Variants in STK3 observed in about 807,000 individuals in gnomAD.
STK3 encodes serine/threonine kinase 3, also known as serine/threonine-protein kinase 3.
A neutral mutation model predicts 58.0 loss-of-function variants in STK3; 41 were observed. The observed-to-expected ratio is 0.71, with a 90% CI of 0.55 to 0.92. The LOEUF (loss-of-function observed/expected upper bound fraction) is 0.92, where lower values mean the gene tolerates loss of function less well. Among genes scored for constraint, STK3 ranks in the 40% least tolerant of loss-of-function variants. The pLI is 0.00. For missense variants in STK3, 479 were observed against 602.7 expected, an observed-to-expected ratio of 0.79 and a Z score of 2.15; for synonymous variants, 170 against 191.0, an observed-to-expected ratio of 0.89 and a Z score of 0.91.
chr8:98,829,692 A>C (rs141134195), upstream of STK3, among the ~76,000 whole-genome samples: 1,326 of 152,338 alleles, frequency 8.7e-3, 12 homozygotes, highest in African/African-American at 0.03. Flanking sequence ...CAAAGCTGGA[A>C]CTTATTCCAC....
In STK3 at chr8:98,866,685, T is replaced by C. The variant is rs563357239; in HGVS notation, c.110+16962A>G. Among the ~76,000 whole-genome samples, 11 of 152,258 alleles carry C rather than the reference T, an allele frequency of 7.2e-5. No homozygotes were observed. In the South Asian group the frequency reaches 1.5e-3, roughly 20 times the overall value. On this transcript the variant is annotated intron_variant, in intron 3 of 12. Transcript: ENST00000523601. ...ATGGAGGTCTGAATGTAGAGGTTCA[T>C]TGGGAAGTGATCTCAGCACCAGTGC... is the stretch of plus-strand genomic sequence containing the variant.
At chr8:98,653,804 A>G (rs1333668145) in intron 6 of STK3, among the ~76,000 whole-genome samples, 1 of 152,238 alleles carries the variant, frequency 6.6e-6, no homozygotes, top group African/African-American at 2.4e-5. Flanking sequence ...ATCTCTGAAT[A>G]GAACAATAAC....
intron 10 of STK3, among the ~76,000 whole-genome samples, chr8:98,502,248 T>C (rs371464210): frequency 1.3e-5 from 2 of 152,326 alleles, no homozygotes; most frequent in African/African-American, 4.8e-5. Context: ...TTTTTGCACA[T>C]TGATTTTGTA....
Position 98,800,373 on chromosome 8 carries a change from A to T in STK3, c.26+25142T>A, listed in dbSNP as rs1833451162. Among the ~76,000 whole-genome samples, 1 of 152,170 alleles carries T rather than the reference A, an allele frequency of 6.6e-6. No individual in the cohort carries two copies. Among genetic ancestry groups the T allele is most frequent in the Non-Finnish European group, 1.5e-5 (1 of 68,016 alleles). On this transcript the variant is annotated intron_variant, in intron 1 of 10. Transcript: ENST00000419617. The surrounding 1 kb of genome is among the most constrained non-coding windows in gnomAD (Gnocchi z 4.8). The stretch of plus-strand genomic sequence containing the variant: ...AAGTAGTTAGAGCGGTCATCGGCCA[A>T]ATTCCCAACAGCAGTTGGGGTGTCC...
intron 6 of STK3, among the ~76,000 whole-genome samples, chr8:98,657,920 T>C (rs1324129304): frequency 1.3e-5 from 2 of 152,202 alleles, no homozygotes; most frequent in African/African-American, 2.4e-5. Flanking sequence ...GTCCTTACAA[T>C]AAGCCTGTGA....
intron 2 of STK3, among the ~76,000 whole-genome samples, chr8:98,371,854 G>A (rs944567172): frequency 6.6e-6 from 1 of 152,236 alleles, no homozygotes; most frequent in Non-Finnish European, 1.5e-5. Flanking sequence ...GTTATGGCTT[G>A]AATTGTCTCT....
chr8:98,613,558 A>T (rs895539714), intron 6 of STK3, among the ~76,000 whole-genome samples: 5 of 152,128 alleles, frequency 3.3e-5, no homozygotes, highest in African/African-American at 7.2e-5. Flanking sequence ...ATAAACCACC[A>T]AAAAGTTTTG....
intron 8 of STK3, among the ~76,000 whole-genome samples, chr8:98,578,872 C>G (rs142168950): frequency 6.6e-6 from 1 of 151,998 alleles, no homozygotes; most frequent in Non-Finnish European, 1.5e-5. Context: ...CACTACAAAC[C>G]AGGTGCAGTG....
At chr8:98,549,385 T>C (rs1390747631) in intron 8 of STK3, among the ~76,000 whole-genome samples, 1 of 152,200 alleles carries the variant, frequency 6.6e-6, no homozygotes, top group East Asian at 1.9e-4. Context: ...TTCGCACGCT[T>C]ATTAGCCATT....
At chr8:98,940,892 C>A (rs556449564) in intron 1 of STK3, among the ~76,000 whole-genome samples, 1 of 152,260 alleles carries the variant, frequency 6.6e-6, no homozygotes, top group Admixed American at 6.5e-5. Context: ...ACAAAGGACC[C>A]GACGGTGGGT....
At chr8:98,535,973 G>C (rs751095500) in intron 9 of STK3, among the ~76,000 whole-genome samples, 26 of 152,142 alleles carry the variant, frequency 1.7e-4, no homozygotes, top group Non-Finnish European at 3.2e-4. Flanking sequence ...AGTTTGATTA[G>C]AGAGAAGTGG....
intron 10 of STK3, among the ~76,000 whole-genome samples, chr8:98,469,339 G>A (rs1820742190): frequency 6.6e-6 from 1 of 151,948 alleles, no homozygotes; most frequent in African/African-American, 2.4e-5. Flanking sequence ...AGAGAACATG[G>A]CATCAAAATT....
At chr8:98,458,537 C>CA (rs35373309) in intron 10 of STK3, among the ~76,000 whole-genome samples, 76,291 of 151,760 alleles carry the variant, frequency 0.5, 19,609 homozygotes, top group African/African-American at 0.59. Context: ...CTGATTTGTA[C>CA]CACTGATTTT....
chr8:98,539,874 C>T (rs1810093436), intron 9 of STK3, among the ~76,000 whole-genome samples: 1 of 152,166 alleles, frequency 6.6e-6, no homozygotes, highest in Non-Finnish European at 1.5e-5. Context: ...CTGCCTCAGC[C>T]TCCTGGGTAG....
chr8:98,362,786 T>C, the STK3 span, among the ~76,000 whole-genome samples: 1 of 152,214 alleles, frequency 6.6e-6, no homozygotes, highest in Non-Finnish European at 1.5e-5. Context: ...CCCAGGGCTG[T>C]GCAGAAGAGG....
At chr8:98,718,435 G>T (rs900318262) in intron 4 of STK3, among the ~76,000 whole-genome samples, 2 of 152,082 alleles carry the variant, frequency 1.3e-5, no homozygotes, top group African/African-American at 4.8e-5. Context: ...GTACTTCCAG[G>T]AATTTATTCT....
At chr8:98,366,867 C>T (rs993324960), downstream of STK3, among the ~76,000 whole-genome samples, 1 of 152,238 alleles carries the variant, frequency 6.6e-6, no homozygotes, top group African/African-American at 2.4e-5. Context: ...TAATTTATTG[C>T]ATGCCCACTG....
chr8:98,428,147 G>A lies in STK3; in HGVS notation n.483+5980C>T, dbSNP rs200726542. The A allele has an allele frequency of 1.0e-4, 165 of 1,614,038 alleles. 1 individual carries two copies. In the East Asian group the frequency reaches 3.3e-3, roughly 33 times the overall value. ...TCTGCCACTCGCGCGAGGCCATTCTGGAGCTCTGCGATGACTACGACGACG... is the reference window on the plus strand; with the variant it reads ...TCTGCCACTCGCGCGAGGCCATTCTAGAGCTCTGCGATGACTACGACGACG... On this transcript the variant is annotated intron_variant and non_coding_transcript_variant, in intron 3 of 3. Coordinates refer to the STK3 transcript ENST00000517832. This position sits in a 1 kb window ranked among gnomAD's most constrained non-coding sequence, Gnocchi z 6.7.
intron 7 of STK3, among the ~76,000 whole-genome samples, chr8:98,588,252 A>G (rs1010665702): frequency 4.6e-5 from 7 of 151,490 alleles, no homozygotes; most frequent in African/African-American, 1.7e-4. Context: ...GTTCCTTTCC[A>G]TTTTTAGCGC....
Sources: gnomAD v4.1 joint callset for allele counts (sites outside exome capture counted in the v4.1 genomes callset) on GRCh38, gnomAD v4.1.1 for gene constraint, Gnocchi (gnomAD v3.1) non-coding constraint, MANE v1.5 for transcripts, NCBI Gene and HGNC (gene_info 2026-07-23, HGNC 2026-07-21) for gene names.